The following RIMS2 variants were observed in gnomAD, a reference collection of about 807,000 sequenced individuals.
RIMS2 encodes the protein regulating synaptic membrane exocytosis 2.
RIMS2 carries 59 observed loss-of-function variants against 174.4 expected under a neutral mutation model. The observed-to-expected ratio is 0.34, with a 90% CI of 0.27 to 0.42. The LOEUF (loss-of-function observed/expected upper bound fraction) is 0.42. RIMS2 is among the 10% of genes least tolerant of loss of function. The pLI, the probability that RIMS2 is intolerant of heterozygous loss-of-function variation, is 1.00. For missense variants in RIMS2, 1,620 were observed against 1,666.3 expected, an observed-to-expected ratio of 0.97 and a Z score of 0.48; for synonymous variants, 606 against 572.5, an observed-to-expected ratio of 1.06 and a Z score of -0.84.
At chr8:103,692,058 C>G (rs1321961420) in intron 1 of RIMS2, among the ~76,000 whole-genome samples, 3 of 152,146 alleles carry the variant, frequency 2.0e-5, no homozygotes, top group Non-Finnish European at 4.4e-5. Context: ...GAGTCTCTGT[C>G]TCTCTCTTTC....
intron 16 of RIMS2, among the ~76,000 whole-genome samples, chr8:103,982,177 A>G (rs557138608): frequency 6.6e-6 from 1 of 152,232 alleles, no homozygotes; most frequent in East Asian, 1.9e-4. Context: ...ACTCCTAGAC[A>G]CTTACTAGAT....
chr8:104,158,170 A>G (rs1347049418), intron 19 of RIMS2, among the ~76,000 whole-genome samples: 1 of 152,068 alleles, frequency 6.6e-6, no homozygotes, highest in Non-Finnish European at 1.5e-5. Flanking sequence ...TCCTTGTGAT[A>G]TTTTGCTGAG....
intron 1 of RIMS2, among the ~76,000 whole-genome samples, chr8:103,553,451 TG>T (rs1464171764): frequency 6.6e-6 from 1 of 150,824 alleles, no homozygotes; most frequent in African/African-American, 2.4e-5. Flanking sequence ...TGTCATGGGG[TG>T]GGGGAAGGAG....
At chr8:103,608,195 G>C (rs1289123244) in intron 1 of RIMS2, among the ~76,000 whole-genome samples, 1 of 144,252 alleles carries the variant, frequency 6.9e-6, no homozygotes, top group African/African-American at 2.7e-5. Context: ...TGTCCTTTCT[G>C]TTTGTTAGTT....
At chr8:103,577,122 A>G (rs1563849615) in intron 1 of RIMS2, among the ~76,000 whole-genome samples, 1 of 152,256 alleles carries the variant, frequency 6.6e-6, no homozygotes, top group Non-Finnish European at 1.5e-5. Flanking sequence ...AGGAACTATC[A>G]TCAGAGTGAA....
chr8:103,895,173 GTTTT>G (rs571241543), intron 4 of RIMS2, among the ~76,000 whole-genome samples: 3 of 137,920 alleles, frequency 2.2e-5, no homozygotes, highest in Non-Finnish European at 4.6e-5. Context: ...CTTTGACAAG[GTTTT>G]TTTTTTTTTT....
chr8:104,252,093 T>C, downstream of RIMS2: 1 of 466,928 alleles, frequency 2.1e-6, no homozygotes, highest in Non-Finnish European at 3.8e-6. Flanking sequence ...TGGATTAATC[T>C]CAAAGAATCA....
chr8:103,844,639 T>G (rs544984202), intron 3 of RIMS2, among the ~76,000 whole-genome samples: 84 of 152,324 alleles, frequency 5.5e-4, no homozygotes, highest in African/African-American at 2.0e-3. Context: ...AGTAACTTTC[T>G]TTGTAGTTTT....
intron 3 of RIMS2, among the ~76,000 whole-genome samples, chr8:103,859,920 T>C (rs1458370409): frequency 6.6e-6 from 1 of 152,010 alleles, no homozygotes; most frequent in Non-Finnish European, 1.5e-5. Context: ...AGGAACTCAG[T>C]GGACAGACTC....
chr8:103,752,254 T>G (rs1035778863), intron 2 of RIMS2, among the ~76,000 whole-genome samples: 1 of 152,136 alleles, frequency 6.6e-6, no homozygotes, highest in Admixed American at 6.5e-5. Flanking sequence ...AAAGATCAGA[T>G]AGTTGTAGAT....
intron 3 of RIMS2, among the ~76,000 whole-genome samples, chr8:103,865,751 A>G (rs1160169874): frequency 6.6e-6 from 1 of 152,212 alleles, no homozygotes; most frequent in Non-Finnish European, 1.5e-5. Context: ...TGACAGAAAT[A>G]GAAGATTACT....
chr8:103,723,901 G>T (rs2138561199), intron 2 of RIMS2, among the ~76,000 whole-genome samples: 1 of 152,278 alleles, frequency 6.6e-6, no homozygotes, highest in East Asian at 1.9e-4. Flanking sequence ...CACTGTCGGG[G>T]AGCCTGGAGC....
intron 1 of RIMS2, among the ~76,000 whole-genome samples, chr8:103,653,853 G>A (rs1225658997): frequency 6.6e-6 from 1 of 152,036 alleles, no homozygotes; most frequent in Non-Finnish European, 1.5e-5. Flanking sequence ...GTTGAAGTAG[G>A]GCCAGTATTT....
chr8:103,982,710 A>T (rs1296972732), intron 16 of RIMS2, among the ~76,000 whole-genome samples: 1 of 152,174 alleles, frequency 6.6e-6, no homozygotes, highest in Non-Finnish European at 1.5e-5. Flanking sequence ...TCCCTTCAAG[A>T]TAAAAACCCT....
chr8:103,830,076 T>A (rs571056697), intron 3 of RIMS2, among the ~76,000 whole-genome samples: 136 of 152,268 alleles, frequency 8.9e-4, no homozygotes, highest in Non-Finnish European at 1.5e-3. Context: ...TATCTATGGA[T>A]CTAATAGTGA....
At chr8:103,792,830 G>A (rs1401410039) in intron 3 of RIMS2, among the ~76,000 whole-genome samples, 1 of 151,876 alleles carries the variant, frequency 6.6e-6, no homozygotes, top group Non-Finnish European at 1.5e-5. Context: ...TAGAAAATCC[G>A]AAAGAAATGG....
At chr8:104,032,387 A>G (rs2096413438) in intron 19 of RIMS2, among the ~76,000 whole-genome samples, 1 of 151,860 alleles carries the variant, frequency 6.6e-6, no homozygotes. Flanking sequence ...TTTTGTGGAG[A>G]GATATAATTA....
chr8:103,739,568 A>T (rs942103402), intron 2 of RIMS2, among the ~76,000 whole-genome samples: 2 of 152,210 alleles, frequency 1.3e-5, no homozygotes, highest in Non-Finnish European at 2.9e-5. Flanking sequence ...TTAAAATTTT[A>T]AAAATTGTGT....
chr8:104,128,420 G>A (rs1425717858), intron 19 of RIMS2, among the ~76,000 whole-genome samples: 1 of 152,222 alleles, frequency 6.6e-6, no homozygotes, highest in Non-Finnish European at 1.5e-5. Flanking sequence ...ATCTCAGCCA[G>A]TCCCAGTGGT....
Sources: allele counts gnomAD v4.1 joint callset (sites outside exome capture counted in the v4.1 genomes callset), GRCh38; gene constraint gnomAD v4.1.1; transcripts MANE v1.5; gene names NCBI Gene and HGNC (gene_info 2026-07-23, HGNC 2026-07-21).